The following NXF1 variants were observed in gnomAD, a reference collection of about 807,000 sequenced individuals.
The protein encoded by NXF1 is nuclear RNA export factor 1.
NXF1 carries 43 observed loss-of-function variants against 92.4 expected under a neutral mutation model. The observed-to-expected ratio is 0.47, with a 90% CI of 0.36 to 0.60. The LOEUF is 0.60. NXF1 is among the 20% of genes least tolerant of loss of function. NXF1 has a pLI of 0.00. For synonymous variants in NXF1, 288 were observed against 292.2 expected (o/e 0.99, Z 0.15); for missense variants, 576 against 793.0 (o/e 0.73, Z 3.29).
At chr11:62,795,998 C>G in intron 16 of NXF1, 55 bp from the exon 17 acceptor site, 1 of 1,608,720 alleles carries the variant, frequency 6.2e-7, no homozygotes, top group African/African-American at 1.3e-5. Flanking sequence ...CTGAGTGCCC[C>G]CCCTTGCCTA....
intron 10 of NXF1, chr11:62,799,462 G>C: frequency 1.0e-6 from 1 of 985,810 alleles, no homozygotes; most frequent in Non-Finnish European, 1.2e-6. Flanking sequence ...GGATTGTGGG[G>C]GTGAGGGTCC....
intron 9 of NXF1, among the ~76,000 whole-genome samples, chr11:62,800,794 T>G (rs924662949): frequency 1.3e-5 from 2 of 151,986 alleles, no homozygotes; most frequent in African/African-American, 4.8e-5. Flanking sequence ...TAAAAAAATT[T>G]TTTTGAGACA....
At chr11:62,803,672 C>T in intron 2 of NXF1, 100 bp from the exon 3 acceptor site, 3 of 1,549,378 alleles carry the variant, frequency 1.9e-6, no homozygotes, top group Non-Finnish European at 1.8e-6. Flanking sequence ...ACTGTTTAAT[C>T]ACTAAGCTAG....
At position 62,801,364 on chromosome 11, in the gene NXF1, C is replaced by T; in HGVS notation, c.763G>A (p.Ala255Thr). 1 of 1,614,144 alleles carries T rather than the reference C, an allele frequency of 6.2e-7. No individual in the cohort carries two copies. The highest frequency in any genetic ancestry group is 8.5e-7 in the Non-Finnish European group (1 of 1,180,002). ...TTCTCTTCAATGATCCTCAGGGTAGCTGCCATACAGCTTCTGCGATTCAGG... is the reference window on the plus strand; with the variant it reads ...TTCTCTTCAATGATCCTCAGGGTAGTTGCCATACAGCTTCTGCGATTCAGG... ...VVLNRRSCMA[A>T]TLRIIEENIP... is the part of the protein sequence containing the mutation. Residue 255 changes from alanine (A) to threonine (T), a missense_variant, in exon 8 of 21, where the codon GCT becomes ACT. Around this residue, in one of 2 missense-constraint regions of NXF1, gnomAD observed 425 missense variants for 635.2 expected, o/e 0.67. Transcript: ENST00000294172.
chr11:62,800,251 C>T, intron 10 of NXF1, 126 bp downstream of exon 10: 1 of 1,513,970 alleles, frequency 6.6e-7, no homozygotes, highest in Non-Finnish European at 8.9e-7. Flanking sequence ...ACGCGATCCT[C>T]TCAAAGGACA....
chr11:62,794,014 TAATAA>T (rs1020336677), intron 19 of NXF1, among the ~76,000 whole-genome samples: 72 of 146,680 alleles, frequency 4.9e-4, no homozygotes, highest in Admixed American at 4.3e-3. Flanking sequence ...AAAAAAAAAA[TAATAA>T]AATAAAATAA....
In NXF1 at chr11:62,796,102, G is replaced by A. The variant is rs191034414; in HGVS notation, c.1425C>T (p.Asp475=). 287 of 1,613,860 alleles carry A rather than the reference G, an allele frequency of 1.8e-4. No individual in the cohort carries two copies. Among genetic ancestry groups the A allele is most frequent in the Non-Finnish European group, 2.3e-4 (272 of 1,180,010 alleles). The change falls in exon 16 of 21, where the codon GAC becomes GAT. Residue 475 remains aspartate, a synonymous_variant. Coordinates refer to ENST00000294172, the MANE Select transcript of NXF1 (RefSeq NM_006362.5). ...FLNELPKTQH[D]VNSFVVDISA... ...TTATGTCTACCACGAAGGAATTGAC[G>A]TCGTGCTGGGTTTTGGGCAACTCAT...
intron 2 of NXF1, 73 bp from the exon 3 acceptor site, chr11:62,803,645 G>A (rs2084503472): frequency 2.5e-6 from 4 of 1,581,982 alleles, no homozygotes; most frequent in African/African-American, 1.3e-5. Context: ...TGCACTGTTA[G>A]TGGGACTACA....
intron 18 of NXF1, 50 bp downstream of exon 18, chr11:62,794,885 G>A: frequency 6.5e-7 from 1 of 1,540,080 alleles, no homozygotes; most frequent in South Asian, 1.1e-5. Context: ...TTACCACACT[G>A]TTGGCCATGG....
Position 62,800,442 on chromosome 11 carries a change from T to C in NXF1, c.951A>G (p.Leu317=), listed in dbSNP as rs753156226. The C allele has an allele frequency of 9.3e-6, 15 of 1,613,972 alleles. No homozygotes were observed. Among genetic ancestry groups the C allele is most frequent in the Non-Finnish European group, 8.5e-7 (1 of 1,180,002 alleles). ...RELDKIKGLK[L]EELWLDGNSL... ...AGTTTCCATCGAGCCAGAGCTCTTCTAGCTTCAGCCCCTTTATCTTGTCCA... is the reference window on the plus strand; with the variant it reads ...AGTTTCCATCGAGCCAGAGCTCTTCCAGCTTCAGCCCCTTTATCTTGTCCA... Residue 317 remains leucine, a synonymous_variant, in exon 10 of 21, where the codon CTA becomes CTG. Coordinates refer to ENST00000294172, the MANE Select transcript of NXF1 (RefSeq NM_006362.5).
At chr11:62,799,147 GAC>G (rs762210673) in intron 10 of NXF1, 1 of 983,168 alleles carries the variant, frequency 1.0e-6, no homozygotes, top group South Asian at 4.7e-5. Flanking sequence ...AGGTATAGGA[GAC>G]AGACAGAAAA....
At position 62,794,437 on chromosome 11, in the gene NXF1, T is replaced by C. The variant is rs757458994; in HGVS notation, c.1581A>G (p.Leu527=). The change falls in exon 19 of 21, where the codon CTA becomes CTG. Residue 527 remains leucine, a synonymous_variant. Coordinates refer to ENST00000294172, the MANE Select transcript of NXF1 (RefSeq NM_006362.5). The part of the protein sequence containing the change: ...FIAVPASNSG[L]CIVNDELFVR... ...CAAATAGCTCATCATTTACAATACA[T>C]AGCCTTGAGGACAAAGAGCACTTAA... is the stretch of plus-strand genomic sequence containing the variant. The C allele has an allele frequency of 5.0e-6, 8 of 1,610,686 alleles. No individual in the cohort carries two copies. The highest frequency in any genetic ancestry group is 1.7e-5 in the Admixed American group (1 of 59,968).
chr11:62,795,496 A>G lies in NXF1; in HGVS notation c.1504+405T>C, dbSNP rs1366603973. The stretch of plus-strand genomic sequence containing the variant: ...TCTCAAAAAAAAGTAATAACTACTA[A>G]TCCACTGATAGCATCTGTATGCCAG... On this transcript the variant is annotated intron_variant, in intron 17 of 20. Transcript: ENST00000294172. 7.9e-6 allele frequency: 2 copies of G among 252,020 alleles called. 1 individual carries two copies. Among genetic ancestry groups the G allele is most frequent in the East Asian group, 1.9e-4 (2 of 10,788 alleles). The allele number at this position is 252,020 out of a possible 1,614,324, so 15.6% of individuals were successfully genotyped here. A position where few individuals can be genotyped will look rare whatever the true frequency, so the allele number is the denominator to read the frequency against.
chr11:62,797,308 T>C lies in NXF1; in HGVS notation c.1122+10A>G, dbSNP rs1479536434. The C allele has an allele frequency of 1.2e-6, 2 of 1,614,064 alleles. No individual in the cohort carries two copies. The highest frequency in any genetic ancestry group is 1.3e-5 in the African/African-American group (1 of 74,928). ...CACACACAAGTTCTTACTCTGTCCA[T>C]GCTTCCTACCTTGCAGGGCGGTAAC... On this transcript the variant is annotated intron_variant, in intron 12 of 20. Coordinates refer to ENST00000294172, the MANE Select transcript of NXF1 (RefSeq NM_006362.5).
Position 62,792,429 on chromosome 11 carries a change from T to C in NXF1, c.*47A>G. 6.2e-7 allele frequency: 1 copy of C among 1,609,846 alleles called. No homozygotes were observed. Among genetic ancestry groups the C allele is most frequent in the Non-Finnish European group, 8.5e-7 (1 of 1,176,164 alleles). On this transcript the variant is annotated 3_prime_UTR_variant, in exon 21 of 21. Transcript: ENST00000294172. ...GACAGACGACAACCAGACGGTAATATCCAAGGACTATTTACAGGGGGGACT... is the reference window on the plus strand; with the variant it reads ...GACAGACGACAACCAGACGGTAATACCCAAGGACTATTTACAGGGGGGACT...
At chr11:62,796,664 G>A in intron 13 of NXF1, 97 bp from the exon 14 acceptor site, 1 of 781,050 alleles carries the variant, frequency 1.3e-6, no homozygotes, top group East Asian at 2.6e-5. Flanking sequence ...GGGCATGGAA[G>A]CTCATGCCTG....
chr11:62,795,459 A>T lies in NXF1; in HGVS notation c.1504+442T>A, dbSNP rs1590949679. ...CCACTGCACTCCAGCCTGGTGATAG[A>T]GTGTGACTCCATCTCAAAAAAAAGT... On this transcript the variant is annotated intron_variant, in intron 17 of 20. Coordinates refer to ENST00000294172, the MANE Select transcript of NXF1 (RefSeq NM_006362.5). The T allele has an allele frequency of 1.4e-5, 3 of 216,226 alleles. No individual in the cohort carries two copies. The Admixed American group carries it at 1.6e-4, about 11-fold the overall frequency. The allele number at this position is 216,226 out of a possible 1,614,324, so 13.4% of individuals were successfully genotyped here.
intron 10 of NXF1, 195 bp downstream of exon 10, chr11:62,800,182 G>A: frequency 2.8e-6 from 4 of 1,411,686 alleles, no homozygotes; most frequent in Admixed American, 5.8e-5. Context: ...CAAGTCAGAA[G>A]AGAAGAGAGA....
At chr11:62,797,409 G>C in intron 11 of NXF1, 23 bp from the exon 12 acceptor site, 1 of 1,608,106 alleles carries the variant, frequency 6.2e-7, no homozygotes, top group Non-Finnish European at 8.5e-7. Flanking sequence ...AGTAAAAGTT[G>C]ACAGTGTAGA....
Sources: allele counts gnomAD v4.1 joint callset (sites outside exome capture counted in the v4.1 genomes callset), GRCh38; gene constraint gnomAD v4.1.1; regional missense constraint gnomAD v4.1.1; transcripts MANE v1.5; gene names NCBI Gene and HGNC (gene_info 2026-07-23, HGNC 2026-07-21).